The following CX3CR1 variants were observed in gnomAD, a reference collection of about 807,000 sequenced individuals.
CX3CR1 encodes C-X3-C motif chemokine receptor 1.
For missense variants in CX3CR1, 363 were observed against 432.4 expected, an observed-to-expected ratio of 0.84 and a Z score of 1.42; for synonymous variants, 168 against 178.5, an observed-to-expected ratio of 0.94 and a Z score of 0.47.
rs559590005 is a variant in CX3CR1 at position 39,275,749 on chromosome 3, A to G, written c.-10+4205T>C. On this transcript the variant is annotated intron_variant, in intron 1 of 1. Transcript: ENST00000399220. ...AGACTTTGTTAATTATATTTCACCA[A>G]TACTAGGCACTGTGCTAGATTCTGT... 8.5e-5 allele frequency among the ~76,000 whole-genome samples: 13 copies of G among 152,310 alleles called. No individual in the cohort carries two copies. The East Asian group carries it at 2.5e-3, about 29-fold the overall frequency.
At chr3:39,279,527 T>C (rs2040873342) in intron 1 of CX3CR1, among the ~76,000 whole-genome samples, 1 of 152,254 alleles carries the variant, frequency 6.6e-6, no homozygotes, top group South Asian at 2.1e-4. Flanking sequence ...TCCCACTTAA[T>C]GTCTCTACTG....
the CX3CR1 span, among the ~76,000 whole-genome samples, chr3:39,289,404 T>C: frequency 6.6e-6 from 1 of 152,218 alleles, no homozygotes; most frequent in Non-Finnish European, 1.5e-5. Flanking sequence ...CACTCATTAG[T>C]GGAGCCTCTC....
At chr3:39,288,369 G>T in the CX3CR1 span, among the ~76,000 whole-genome samples, 1 of 152,144 alleles carries the variant, frequency 6.6e-6, no homozygotes, top group Non-Finnish European at 1.5e-5. Flanking sequence ...GATGAATAGG[G>T]CAGGGTCTCT....
In CX3CR1 at chr3:39,265,669, C is replaced by T; in HGVS notation, c.841G>A (p.Val281Ile). 1 of 1,614,170 alleles carries T rather than the reference C, an allele frequency of 6.2e-7. No homozygotes were observed. Among genetic ancestry groups the T allele is most frequent in the South Asian group, 1.1e-5 (1 of 91,084 alleles). ...LRLALSVTET[V>I]AFSHCCLNPL... Reference sequence around the variant, plus strand: ...TTCAGGCAACAATGGCTAAATGCAACCGTCTCAGTCACACTGAGGGCCAGC... The same window carrying T: ...TTCAGGCAACAATGGCTAAATGCAATCGTCTCAGTCACACTGAGGGCCAGC... The change falls in exon 2 of 2, where the codon GTT becomes ATT. Residue 281 changes from valine (V) to isoleucine (I), a missense_variant. Coordinates refer to ENST00000399220, the MANE Select transcript of CX3CR1 (RefSeq NM_001337.4).
chr3:39,266,483 T>C lies in CX3CR1; in HGVS notation c.27A>G (p.Thr9=), dbSNP rs950604032. Residue 9 remains threonine (T), a synonymous_variant, in exon 2 of 2, where the codon ACA becomes ACG. Coordinates refer to ENST00000399220, the MANE Select transcript of CX3CR1 (RefSeq NM_001337.4). The part of the protein sequence containing the change: MDQFPESV[T]ENFEYDDLAE... ...CCAAATCATCGTACTCAAAGTTTTC[T>C]GTCACTGATTCAGGGAACTGATCCA... 1 of 1,613,852 alleles carries C rather than the reference T, an allele frequency of 6.2e-7. No individual in the cohort carries two copies.
Position 39,277,746 on chromosome 3 carries a change from C to T in CX3CR1, c.-10+2208G>A, listed in dbSNP as rs56155966. ...GGGGTGGGGTGAGGAAGGGGATAGA[C>T]GATCGTCCTGACTGGGTCAGCTCTA... On this transcript the variant is annotated intron_variant, in intron 1 of 1. Transcript: ENST00000399220. Among the ~76,000 whole-genome samples, 626 of 152,298 alleles carry T rather than the reference C, an allele frequency of 4.1e-3. 8 individuals are homozygous for T. The highest frequency in any genetic ancestry group is 0.014 in the African/African-American group (587 of 41,570).
Position 39,266,105 on chromosome 3 carries a change from G to A in CX3CR1, c.405C>T (p.Ala135=). 2 of 1,614,228 alleles carry A rather than the reference G, an allele frequency of 1.2e-6. No homozygotes were observed. The highest frequency in any genetic ancestry group is 1.7e-6 in the Non-Finnish European group (2 of 1,180,050). The stretch of plus-strand genomic sequence containing the variant: ...GCACGGTCCGGTTGTTCATGGAGTT[G>A]GCGGCCAGGACGATGGCCAGGTACC... ...IDRYLAIVLA[A]NSMNNRTVQH... is the part of the protein sequence containing the mutation. The change falls in exon 2 of 2, where the codon GCC becomes GCT. Residue 135 remains alanine, a synonymous_variant. Coordinates refer to ENST00000399220, the MANE Select transcript of CX3CR1 (RefSeq NM_001337.4).
chr3:39,277,659 C>T (rs749082852), intron 1 of CX3CR1, among the ~76,000 whole-genome samples: 1 of 152,120 alleles, frequency 6.6e-6, no homozygotes, highest in Non-Finnish European at 1.5e-5. Context: ...CTAGGGAGAA[C>T]CATACCTGAC....
chr3:39,291,933 T>C, the CX3CR1 span, among the ~76,000 whole-genome samples: 1 of 152,200 alleles, frequency 6.6e-6, no homozygotes, highest in Non-Finnish European at 1.5e-5. Flanking sequence ...CTAAAGGGCT[T>C]TCTCCTGGCT....
chr3:39,281,814 C>T (rs1559371252), upstream of CX3CR1: 3 of 749,012 alleles, frequency 4.0e-6, no homozygotes, highest in Non-Finnish European at 6.8e-6. Context: ...CTTCCCTTCC[C>T]AACTCACCTG....
chr3:39,283,817 AT>A (rs2040926658), upstream of CX3CR1, among the ~76,000 whole-genome samples: 2 of 69,634 alleles, frequency 2.9e-5, no homozygotes, highest in African/African-American at 1.3e-4. Flanking sequence ...ATATATATAT[AT>A]ATATATATAT....
chr3:39,281,113 CCCCA>C, upstream of CX3CR1: 1 of 993,834 alleles, frequency 1.0e-6, no homozygotes, highest in Non-Finnish European at 1.2e-6. Context: ...TCCTCACCTC[CCCCA>C]ACCCCAGGAC....
chr3:39,274,139 T>C (rs2040811194), intron 1 of CX3CR1, among the ~76,000 whole-genome samples: 1 of 152,176 alleles, frequency 6.6e-6, no homozygotes, highest in Non-Finnish European at 1.5e-5. Context: ...TACCTTGTAC[T>C]AGATAGAAAG....
the CX3CR1 span, among the ~76,000 whole-genome samples, chr3:39,290,950 AT>A: frequency 6.6e-5 from 10 of 152,290 alleles, no homozygotes; most frequent in South Asian, 2.1e-4. Context: ...CAACAAAAAA[AT>A]AACAGTCAGA....
chr3:39,266,303 G>A lies in CX3CR1; in HGVS notation c.207C>T (p.Tyr69=). ...GATCAGACAAGGCCAGGTTCAGGAG[G>A]TAAATGTCGGTGACACTCTTGGGCT... ...SKKPKSVTDI[Y]LLNLALSDLL... The change falls in exon 2 of 2, where the codon TAC becomes TAT. Residue 69 remains tyrosine, a synonymous_variant. Coordinates refer to ENST00000399220, the MANE Select transcript of CX3CR1 (RefSeq NM_001337.4). The A allele has an allele frequency of 6.2e-7, 1 of 1,614,228 alleles. No homozygotes were observed. Among genetic ancestry groups the A allele is most frequent in the Non-Finnish European group, 8.5e-7 (1 of 1,180,044 alleles).
At chr3:39,269,740 A>G (rs901210186) in intron 1 of CX3CR1, among the ~76,000 whole-genome samples, 3 of 152,194 alleles carry the variant, frequency 2.0e-5, no homozygotes, top group Admixed American at 1.3e-4. Flanking sequence ...GCTGTCTCAG[A>G]GTCCCCAGTG....
intron 1 of CX3CR1, among the ~76,000 whole-genome samples, chr3:39,274,582 C>A (rs533442286): frequency 3.3e-5 from 5 of 151,658 alleles, no homozygotes; most frequent in East Asian, 3.9e-4. Context: ...TGAAGCCCCA[C>A]CCTTCCCTTT....
chr3:39,266,162 G>A lies in CX3CR1; in HGVS notation c.348C>T (p.Ser116=), dbSNP rs1235973123. The change falls in exon 2 of 2, where the codon AGC becomes AGT. Residue 116 remains serine, a synonymous_variant. Coordinates refer to ENST00000399220, the MANE Select transcript of CX3CR1 (RefSeq NM_001337.4). The part of the protein sequence containing the change: ...TAFFFIGFFG[S]IFFITVISID... The stretch of plus-strand genomic sequence containing the variant: ...TGCTGATGACGGTGATGAAGAATAT[G>A]CTTCCAAAAAAGCCGATGAAGAAGA... The A allele has an allele frequency of 3.1e-6, 5 of 1,614,184 alleles. No homozygotes were observed. The highest frequency in any genetic ancestry group is 4.2e-6 in the Non-Finnish European group (5 of 1,180,036).
the CX3CR1 span, among the ~76,000 whole-genome samples, chr3:39,291,211 T>C: frequency 6.6e-6 from 1 of 151,906 alleles, no homozygotes; most frequent in Non-Finnish European, 1.5e-5. Flanking sequence ...GGCCTGCCAC[T>C]ATGTCCACCT....
Sources: gnomAD v4.1 joint callset for allele counts (sites outside exome capture counted in the v4.1 genomes callset) on GRCh38, gnomAD v4.1.1 for gene constraint, MANE v1.5 for transcripts, NCBI Gene and HGNC (gene_info 2026-07-23, HGNC 2026-07-21) for gene names.